Variants in PPM1B observed in about 807,000 individuals in gnomAD.
PPM1B encodes the protein protein phosphatase 1B.
A neutral mutation model predicts 43.0 loss-of-function variants in PPM1B; 22 were observed. That is an observed-to-expected ratio of 0.51 (90% CI 0.37 to 0.73). PPM1B has a LOEUF of 0.73. Ranked by LOEUF, PPM1B falls within the 30% of genes least tolerant of loss-of-function variation. The pLI, the probability that PPM1B is intolerant of heterozygous loss-of-function variation, is 0.00. For synonymous variants in PPM1B, 217 were observed against 197.9 expected (o/e 1.10, Z -0.81); for missense variants, 632 against 584.2 (o/e 1.08, Z -0.84).
intron 3 of PPM1B, among the ~76,000 whole-genome samples, chr2:44,216,078 A>G (rs1039933325): frequency 1.3e-5 from 2 of 152,216 alleles, no homozygotes; most frequent in Non-Finnish European, 2.9e-5. Context: ...GTGGGAATTC[A>G]TTGGAAGATT....
intron 2 of PPM1B, 68 bp downstream of exon 2, chr2:44,202,113 C>G: frequency 7.2e-7 from 1 of 1,385,932 alleles, no homozygotes; most frequent in Non-Finnish European, 9.5e-7. Flanking sequence ...TAAAGTTAAG[C>G]TAACTTAAAA....
intron 3 of PPM1B, among the ~76,000 whole-genome samples, chr2:44,214,229 G>A (rs375623119): frequency 2.9e-4 from 44 of 152,110 alleles, no homozygotes; most frequent in African/African-American, 1.1e-3. Context: ...ACAGATGCCC[G>A]CCACCATGCC....
chr2:44,222,202 G>T (rs961339358), intron 5 of PPM1B, among the ~76,000 whole-genome samples: 1 of 151,984 alleles, frequency 6.6e-6, no homozygotes. Flanking sequence ...TGAGATCTGG[G>T]ACTTGATCTG....
intron 1 of PPM1B, among the ~76,000 whole-genome samples, chr2:44,190,403 C>T (rs1558398914): frequency 6.6e-6 from 1 of 152,230 alleles, no homozygotes; most frequent in Admixed American, 6.5e-5. Flanking sequence ...ACGTGATCTG[C>T]CCGTCTCAGC....
chr2:44,217,780 C>A, intron 3 of PPM1B, 187 bp from the exon 4 acceptor site: 1 of 397,804 alleles, frequency 2.5e-6, no homozygotes, highest in South Asian at 8.9e-5. Flanking sequence ...TTTTTTCCCC[C>A]TGCATAGCAA....
chr2:44,205,374 T>TGTGTGTGTGTGTGTGTGTGTGTGTGTGG lies in PPM1B; in HGVS notation c.846+3335_846+3336insGTGTGTGTGTGTGTGTGTGTGGGTGTGT, dbSNP rs1553333054. Among the ~76,000 whole-genome samples, 895 of 151,378 alleles carry TGTGTGTGTGTGTGTGTGTGTGTGTGTGG rather than the reference T, an allele frequency of 5.9e-3. 8 individuals are homozygous for TGTGTGTGTGTGTGTGTGTGTGTGTGTGG. Among genetic ancestry groups the TGTGTGTGTGTGTGTGTGTGTGTGTGTGG allele is most frequent in the African/African-American group, 0.02 (801 of 40,952 alleles). ...GTGTGGGTGTGTGTGTGTGTGTGTG[T>TGTGTGTGTGTGTGTGTGTGTGTGTGTGG]GTGTGTAAGTGTCTGTCTGTTTCGG... On this transcript the variant is annotated intron_variant, in intron 2 of 5. Coordinates refer to ENST00000282412, the MANE Select transcript of PPM1B (RefSeq NM_002706.6).
intron 5 of PPM1B, among the ~76,000 whole-genome samples, chr2:44,222,480 A>G (rs970050593): frequency 6.6e-6 from 1 of 152,180 alleles, no homozygotes; most frequent in Non-Finnish European, 1.5e-5. Context: ...AAGTAGTTGC[A>G]CAAGTTGGTA....
chr2:44,216,759 C>G (rs1278228835), intron 3 of PPM1B, among the ~76,000 whole-genome samples: 1 of 152,036 alleles, frequency 6.6e-6, no homozygotes, highest in African/African-American at 2.4e-5. Flanking sequence ...AACCCCATCT[C>G]TACTAAAATA....
At chr2:44,173,416 C>A (rs1275961913) in intron 1 of PPM1B, among the ~76,000 whole-genome samples, 1 of 151,500 alleles carries the variant, frequency 6.6e-6, no homozygotes, top group African/African-American at 2.4e-5. Context: ...TTTTTCATTT[C>A]TTTTTTGCCC....
At chr2:44,184,644 C>T (rs1668038571) in intron 1 of PPM1B, among the ~76,000 whole-genome samples, 1 of 152,052 alleles carries the variant, frequency 6.6e-6, no homozygotes, top group Non-Finnish European at 1.5e-5. Flanking sequence ...TGAACATGTT[C>T]AAAACTGACT....
At chr2:44,187,241 T>C (rs578067867) in intron 1 of PPM1B, among the ~76,000 whole-genome samples, 2 of 152,346 alleles carry the variant, frequency 1.3e-5, no homozygotes, top group Non-Finnish European at 2.9e-5. Flanking sequence ...CGGTATTTGC[T>C]TCACTTTTTT....
At chr2:44,211,939 G>C (rs1031897260) in intron 3 of PPM1B, among the ~76,000 whole-genome samples, 2 of 151,918 alleles carry the variant, frequency 1.3e-5, no homozygotes, top group African/African-American at 4.8e-5. Flanking sequence ...AGTAGAGAGG[G>C]GGTTTCTCCA....
chr2:44,230,437 G>A lies in PPM1B; in HGVS notation c.1159G>A (p.Gly387Arg), dbSNP rs779318642. 1.2e-6 allele frequency: 2 copies of A among 1,614,120 alleles called. No individual in the cohort carries two copies. Among genetic ancestry groups the A allele is most frequent in the Admixed American group, 1.7e-5 (1 of 60,022 alleles). ...DGASDEAEES[G>R]SQGKLVEALR... The stretch of plus-strand genomic sequence containing the variant: ...GGCCTCCGATGAAGCAGAGGAAAGT[G>A]GATCACAGGGAAAATTGGTGGAAGC... Residue 387 changes from glycine to arginine, a missense_variant, in exon 6 of 6, where the codon GGA becomes AGA. Transcript: ENST00000282412.
chr2:44,221,493 G>A (rs2053456), intron 5 of PPM1B, among the ~76,000 whole-genome samples: 121,662 of 152,134 alleles, frequency 0.8, 48,799 homozygotes, highest in South Asian at 0.89. Flanking sequence ...TGATGTCGCC[G>A]GGAGCTGGAT....
At chr2:44,171,148 T>G (rs1049979118) in intron 1 of PPM1B, among the ~76,000 whole-genome samples, 2 of 152,236 alleles carry the variant, frequency 1.3e-5, no homozygotes, top group Non-Finnish European at 2.9e-5. Context: ...TTGTTCTCTT[T>G]GAAGTGACCA....
chr2:44,176,119 A>C (rs999916540), intron 1 of PPM1B, among the ~76,000 whole-genome samples: 4 of 152,030 alleles, frequency 2.6e-5, no homozygotes, highest in Non-Finnish European at 4.4e-5. Flanking sequence ...AAGAGAGAAA[A>C]AGAGATCCCT....
At chr2:44,190,551 C>T (rs1398994995) in intron 1 of PPM1B, among the ~76,000 whole-genome samples, 1 of 151,926 alleles carries the variant, frequency 6.6e-6, no homozygotes, top group Non-Finnish European at 1.5e-5. Flanking sequence ...TTTGCTTGTT[C>T]TTACTTTTTA....
chr2:44,246,332 C>T (rs534342705), downstream of PPM1B, among the ~76,000 whole-genome samples: 2 of 152,300 alleles, frequency 1.3e-5, no homozygotes, highest in East Asian at 3.9e-4. Flanking sequence ...ACCTATTTTG[C>T]AGGACCTTTA....
At chr2:44,206,832 G>T (rs372331329) in intron 2 of PPM1B, among the ~76,000 whole-genome samples, 1 of 152,228 alleles carries the variant, frequency 6.6e-6, no homozygotes, top group East Asian at 1.9e-4. Flanking sequence ...AAACTGCGGG[G>T]ATTACAGGCA....
Sources: gnomAD v4.1 joint callset for allele counts (sites outside exome capture counted in the v4.1 genomes callset) on GRCh38, gnomAD v4.1.1 for gene constraint, MANE v1.5 for transcripts, NCBI Gene and HGNC (gene_info 2026-07-23, HGNC 2026-07-21) for gene names.